Variants in EDDM13 observed in about 807,000 individuals in gnomAD.
EDDM13 encodes epididymal protein 13.
A neutral mutation model predicts 17.8 loss-of-function variants in EDDM13; 24 were observed. That is an observed-to-expected ratio of 1.35 (90% CI 0.98 to 1.90). The LOEUF (loss-of-function observed/expected upper bound fraction) is 1.90. Ranked by LOEUF, EDDM13 falls within the 40% of genes most tolerant of loss-of-function variation. The pLI is 0.00. For missense variants in EDDM13, 97 were observed against 100.8 expected, an observed-to-expected ratio of 0.96 and a Z score of 0.16; for synonymous variants, 31 against 37.5, an observed-to-expected ratio of 0.83 and a Z score of 0.63.
At chr19:56,300,562 T>C (rs1476408428) in intron 12 of EDDM13, among the ~76,000 whole-genome samples, 3 of 152,234 alleles carry the variant, frequency 2.0e-5, no homozygotes, top group Non-Finnish European at 4.4e-5. Context: ...TGGGTCATAA[T>C]GCTGGCCGCA....
chr19:56,273,560 G>A (rs1174547763), intron 1 of EDDM13, among the ~76,000 whole-genome samples: 1 of 152,152 alleles, frequency 6.6e-6, no homozygotes, highest in Non-Finnish European at 1.5e-5. Flanking sequence ...CACATTTGAG[G>A]TAAGGAATAG....
chr19:56,303,872 G>C (rs186999148), intron 13 of EDDM13, among the ~76,000 whole-genome samples: 15 of 152,260 alleles, frequency 9.9e-5, no homozygotes, highest in African/African-American at 3.6e-4. Context: ...GAGCAGCTTG[G>C]GGGCAACCAC....
intron 14 of EDDM13, among the ~76,000 whole-genome samples, chr19:56,308,107 C>T (rs890257773): frequency 2.0e-5 from 3 of 152,258 alleles, no homozygotes; most frequent in Non-Finnish European, 4.4e-5. Context: ...AATCTTGGCT[C>T]ACTGCAACCT....
At chr19:56,308,720 A>G (rs997043458) in intron 14 of EDDM13, among the ~76,000 whole-genome samples, 5 of 151,358 alleles carry the variant, frequency 3.3e-5, no homozygotes, top group African/African-American at 1.2e-4. Context: ...CTGTCTACCT[A>G]GAAAAGTCCT....
chr19:56,275,727 TG>T (rs1216141540), intron 1 of EDDM13, among the ~76,000 whole-genome samples: 1 of 152,238 alleles, frequency 6.6e-6, no homozygotes, highest in Non-Finnish European at 1.5e-5. Context: ...GAACAGAGTT[TG>T]GGGTGTCTAG....
chr19:56,285,920 C>T (rs2039082152), intron 6 of EDDM13, among the ~76,000 whole-genome samples: 1 of 152,194 alleles, frequency 6.6e-6, no homozygotes, highest in Admixed American at 6.5e-5. Context: ...GGGTATCTGC[C>T]TTTTAAATCT....
At chr19:56,297,784 TC>T (rs912084703) in intron 12 of EDDM13, 2 of 152,232 alleles carry the variant, frequency 1.3e-5, no homozygotes, top group African/African-American at 4.8e-5. Flanking sequence ...AGCTGCTGCT[TC>T]TGTGGACTGT....
At chr19:56,307,774 T>C (rs1034851211) in intron 14 of EDDM13, among the ~76,000 whole-genome samples, 2 of 152,262 alleles carry the variant, frequency 1.3e-5, no homozygotes, top group African/African-American at 4.8e-5. Flanking sequence ...AATAAAAATT[T>C]CAGTCCATGT....
intron 2 of EDDM13, among the ~76,000 whole-genome samples, chr19:56,278,183 A>G (rs2038409842): frequency 6.6e-6 from 1 of 151,432 alleles, no homozygotes; most frequent in Non-Finnish European, 1.5e-5. Context: ...ATACAGTGGC[A>G]CGGTCTCGGC....
At chr19:56,281,066 T>C (rs765869248) in intron 2 of EDDM13, among the ~76,000 whole-genome samples, 8 of 152,218 alleles carry the variant, frequency 5.3e-5, no homozygotes, top group Non-Finnish European at 1.0e-4. Context: ...GATTAACATA[T>C]ATTTTGTATG....
chr19:56,291,408 G>A (rs912229226), intron 9 of EDDM13, among the ~76,000 whole-genome samples: 2 of 152,160 alleles, frequency 1.3e-5, no homozygotes, highest in Admixed American at 1.3e-4. Flanking sequence ...GAAGCATCTC[G>A]AGTCACCCAC....
chr19:56,302,712 T>A, intron 13 of EDDM13: 2 of 236,860 alleles, frequency 8.4e-6, no homozygotes, highest in Non-Finnish European at 1.6e-5. Context: ...TCTTTCCTTC[T>A]TCCCTCCCTC....
chr19:56,295,606 A>G (rs375802546), intron 9 of EDDM13, among the ~76,000 whole-genome samples: 3 of 151,638 alleles, frequency 2.0e-5, no homozygotes, highest in African/African-American at 7.3e-5. Flanking sequence ...AAAACAAAAA[A>G]CAAAACAAAA....
intron 7 of EDDM13, among the ~76,000 whole-genome samples, 76 bp downstream of exon 7, chr19:56,288,514 C>T (rs2039290292): frequency 6.6e-6 from 1 of 152,146 alleles, no homozygotes; most frequent in Admixed American, 6.5e-5. Flanking sequence ...CCAACGATAC[C>T]CCACTTTTGA....
chr19:56,302,960 C>T (rs540464635), intron 13 of EDDM13: 49 of 398,082 alleles, frequency 1.2e-4, no homozygotes, highest in African/African-American at 8.6e-4. Context: ...ACCAGATCAC[C>T]GAGTGGTAGC....
intron 14 of EDDM13, among the ~76,000 whole-genome samples, chr19:56,307,572 T>C (rs543121185): frequency 1.4e-3 from 213 of 152,314 alleles, no homozygotes; most frequent in African/African-American, 5.0e-3. Context: ...CTTACGTTAC[T>C]CTCTTTTACC....
rs543156813 is a variant in EDDM13 at position 56,274,003 on chromosome 19, A to G, written c.85+1084A>G. ...TGGTCATCAGGGTGAAGATGGGGATAAGTAGAAGGTTACGAGGCACTGAGG... is the reference window on the plus strand; with the variant it reads ...TGGTCATCAGGGTGAAGATGGGGATGAGTAGAAGGTTACGAGGCACTGAGG... On this transcript the variant is annotated intron_variant, in intron 1 of 14. Transcript: ENST00000649256. 4.6e-5 allele frequency among the ~76,000 whole-genome samples: 7 copies of G among 152,254 alleles called. No homozygotes were observed. In the South Asian group the frequency reaches 1.4e-3, roughly 32 times the overall value.
At chr19:56,289,854 T>A (rs1203284491) in intron 8 of EDDM13, among the ~76,000 whole-genome samples, 1 of 152,158 alleles carries the variant, frequency 6.6e-6, no homozygotes, top group Non-Finnish European at 1.5e-5. Flanking sequence ...GCTCAAGCAA[T>A]CTTCCCATCT....
chr19:56,281,705 C>G lies in EDDM13; in HGVS notation c.109+7C>G, dbSNP rs2038719382. Reference sequence around the variant, plus strand: ...CTGCCCCTTCCAGTCAACTGTAAGTCATATCTCCTTCTCCCTACATAAATG... The same window carrying G: ...CTGCCCCTTCCAGTCAACTGTAAGTGATATCTCCTTCTCCCTACATAAATG... On this transcript the variant is annotated splice_region_variant and intron_variant, in intron 3 of 14. Transcript: ENST00000649256. 1 of 985,234 alleles carries G rather than the reference C, an allele frequency of 1.0e-6. No individual in the cohort carries two copies. The allele number at this position is 985,234 out of a possible 1,614,324, so 61.0% of individuals were successfully genotyped here. A position where few individuals can be genotyped will look rare whatever the true frequency, so the allele number is the denominator to read the frequency against.
Sources: gnomAD v4.1 joint callset for allele counts (sites outside exome capture counted in the v4.1 genomes callset) on GRCh38, gnomAD v4.1.1 for gene constraint, MANE v1.5 for transcripts, NCBI Gene and HGNC (gene_info 2026-07-23, HGNC 2026-07-21) for gene names.